Variants in RREB1 observed in about 807,000 individuals in gnomAD.
RREB1 encodes ras responsive element binding protein 1.
RREB1 carries 27 observed loss-of-function variants against 117.8 expected under a neutral mutation model. The observed-to-expected ratio is 0.23, with a 90% CI of 0.17 to 0.32. RREB1 has a LOEUF of 0.32. Among genes scored for constraint, RREB1 ranks in the 10% least tolerant of loss-of-function variants. RREB1 has a pLI of 1.00. For missense variants in RREB1, 2,577 were observed against 2,378.2 expected (o/e 1.08, Z -1.74); for synonymous variants, 1,298 against 1,026.7 (o/e 1.26, Z -5.05).
chr6:7,224,603 G>A (rs1230154902), intron 8 of RREB1, among the ~76,000 whole-genome samples: 1 of 152,150 alleles, frequency 6.6e-6, no homozygotes, highest in East Asian at 1.9e-4. Flanking sequence ...CTCTCTGTGT[G>A]CACAGCTCAG....
Position 7,231,295 on chromosome 6 carries a change from G to A in RREB1, c.3196G>A (p.Ala1066Thr), listed in dbSNP as rs781336908. 1 of 1,607,692 alleles carries A rather than the reference G, an allele frequency of 6.2e-7. No homozygotes were observed. The highest frequency in any genetic ancestry group is 1.1e-5 in the South Asian group (1 of 90,504). Residue 1066 changes from alanine to threonine, a missense_variant, in exon 10 of 13, where the codon GCC becomes ACC. By Grantham distance (58) the Ala-to-Thr change is moderately conservative (BLOSUM62 0). Transcript: ENST00000379938. ...CGTGACAGAAGAGCTGCCCCCGCTG[G>A]CCTCCATTGCCCAGATCATCTCATC... is the stretch of plus-strand genomic sequence containing the variant. ...PPVTEELPPLASIAQIISSVS... is the reference protein window; with the variant it reads ...PPVTEELPPLTSIAQIISSVS...
chr6:7,110,479 G>GGTGTGTGTGTGTGTGTGTGT (rs111267508), intron 1 of RREB1, among the ~76,000 whole-genome samples: 86 of 149,620 alleles, frequency 5.7e-4, no homozygotes, highest in African/African-American at 8.0e-4. Context: ...TTTTAGGGGT[G>GGTGTGTGTGTGTGTGTGTGT]GTGTGTGTGT....
At chr6:7,123,388 C>T (rs928504004) in intron 1 of RREB1, among the ~76,000 whole-genome samples, 3 of 152,084 alleles carry the variant, frequency 2.0e-5, no homozygotes, top group South Asian at 2.1e-4. Context: ...TCTCGAACTC[C>T]TGAGTTCAGG....
chr6:7,160,835 C>A (rs1346731174), intron 1 of RREB1, among the ~76,000 whole-genome samples: 1 of 94,224 alleles, frequency 1.1e-5, no homozygotes, highest in Non-Finnish European at 2.0e-5. Context: ...TACAGGCACG[C>A]GCCACCATGC....
intron 3 of RREB1, 51 bp from the exon 4 acceptor site, chr6:7,181,819 G>A (rs1764814248): frequency 1.5e-6 from 2 of 1,346,914 alleles, no homozygotes; most frequent in African/African-American, 2.9e-5. Context: ...CCCTGGCAAT[G>A]ACAGAAGCCT....
chr6:7,223,393 C>T (rs1767384348), intron 8 of RREB1, among the ~76,000 whole-genome samples: 1 of 151,930 alleles, frequency 6.6e-6, no homozygotes, highest in Non-Finnish European at 1.5e-5. Flanking sequence ...GAAACCCCGT[C>T]TCTACTAAAA....
At chr6:7,172,769 A>G (rs1764285436) in intron 1 of RREB1, among the ~76,000 whole-genome samples, 1 of 152,012 alleles carries the variant, frequency 6.6e-6, no homozygotes, top group Non-Finnish European at 1.5e-5. Context: ...AAACACATCA[A>G]CTTCCTGGAA....
At chr6:7,137,939 AGT>A (rs751051411) in intron 1 of RREB1, among the ~76,000 whole-genome samples, 3 of 152,174 alleles carry the variant, frequency 2.0e-5, no homozygotes, top group Admixed American at 6.5e-5. Context: ...AAGGGTACCC[AGT>A]CTAACTGTTT....
In RREB1 at chr6:7,229,733, C is replaced by T. The variant is rs371155121; in HGVS notation, c.1634C>T (p.Pro545Leu). 5.0e-6 allele frequency: 8 copies of T among 1,600,584 alleles called. No individual in the cohort carries two copies. In the East Asian group the frequency reaches 9.0e-5, roughly 18 times the overall value. ...TGTATCAGCCCCAGCCTGCCGCCAC[C>T]GCCCCTGAAGCTCCTCAAAGGCTCA... is the stretch of plus-strand genomic sequence containing the variant. The part of the protein sequence containing the change: ...PGCISPSLPP[P>L]PLKLLKGSVE... The change falls in exon 10 of 13, where the codon CCG (proline) becomes CTG (leucine). Residue 545 changes from proline to leucine, a missense_variant. By Grantham distance (98) the Pro-to-Leu change is moderately conservative (BLOSUM62 -3). Coordinates refer to ENST00000379938, the MANE Select transcript of RREB1 (RefSeq NM_001003699.4). This position sits in a 1 kb window ranked among gnomAD's most constrained non-coding sequence, Gnocchi z 4.5.
chr6:7,166,829 C>A (rs1763953025), intron 1 of RREB1, among the ~76,000 whole-genome samples: 2 of 152,298 alleles, frequency 1.3e-5, no homozygotes, highest in South Asian at 2.1e-4. Context: ...GTGGAGAATC[C>A]CGTTGCTGCT....
chr6:7,224,348 A>G (rs983832465), intron 8 of RREB1, among the ~76,000 whole-genome samples: 2 of 152,214 alleles, frequency 1.3e-5, no homozygotes, highest in Non-Finnish European at 2.9e-5. Context: ...CATAACTAAA[A>G]AATTCAGTCA....
At chr6:7,233,844 G>A (rs1768143043) in intron 10 of RREB1, among the ~76,000 whole-genome samples, 1 of 152,276 alleles carries the variant, frequency 6.6e-6, no homozygotes. Context: ...TGGAGCCACC[G>A]CTGGATACCT....
At chr6:7,135,562 A>T (rs567688546) in intron 1 of RREB1, among the ~76,000 whole-genome samples, 1 of 152,278 alleles carries the variant, frequency 6.6e-6, no homozygotes, top group East Asian at 1.9e-4. Flanking sequence ...GGTTCTGACA[A>T]CAACAGCATT....
intron 1 of RREB1, among the ~76,000 whole-genome samples, chr6:7,141,279 G>T (rs972657203): frequency 2.0e-5 from 3 of 152,312 alleles, no homozygotes; most frequent in East Asian, 1.9e-4. Context: ...GCGTTCCCCC[G>T]TGAGTAGAGC....
At chr6:7,139,423 TTGAG>T (rs1474977820) in intron 1 of RREB1, 2 of 152,204 alleles carry the variant, frequency 1.3e-5, no homozygotes, top group Non-Finnish European at 2.9e-5. Flanking sequence ...TCAATATACT[TTGAG>T]TGAATGTAAT....
intron 1 of RREB1, among the ~76,000 whole-genome samples, chr6:7,145,975 TTCTC>T (rs898775271): frequency 1.1e-4 from 16 of 145,378 alleles, no homozygotes; most frequent in Non-Finnish European, 2.4e-4. Context: ...TCCTCTCTCT[TTCTC>T]TCTCTCTCTT....
chr6:7,221,348 T>A (rs1211759270), intron 8 of RREB1, among the ~76,000 whole-genome samples: 4 of 150,706 alleles, frequency 2.7e-5, no homozygotes, highest in Non-Finnish European at 4.4e-5. Context: ...TTTTGTATTT[T>A]TTTTTAGTAG....
chr6:7,227,208 C>A (rs1767631075), intron 9 of RREB1, among the ~76,000 whole-genome samples: 4 of 152,060 alleles, frequency 2.6e-5, no homozygotes, highest in Non-Finnish European at 5.9e-5. Context: ...TGCCACTGCA[C>A]TCCAGCGTGG....
At chr6:7,234,956 C>G (rs1266941099) in intron 10 of RREB1, among the ~76,000 whole-genome samples, 1 of 152,244 alleles carries the variant, frequency 6.6e-6, no homozygotes, top group Non-Finnish European at 1.5e-5. Context: ...TGTGTTCCCA[C>G]ATGTCCACAT....
Sources: allele counts gnomAD v4.1 joint callset (sites outside exome capture counted in the v4.1 genomes callset), GRCh38; gene constraint gnomAD v4.1.1; non-coding constraint Gnocchi (gnomAD v3.1); transcripts MANE v1.5; gene names NCBI Gene and HGNC (gene_info 2026-07-23, HGNC 2026-07-21).